The following ZDHHC14 variants were observed in gnomAD, a reference collection of about 807,000 sequenced individuals.
ZDHHC14 encodes the protein palmitoyltransferase ZDHHC14.
A neutral mutation model predicts 47.7 loss-of-function variants in ZDHHC14; 16 were observed. The ratio of observed to expected loss-of-function variants is 0.34; its 90% CI spans 0.23 to 0.51. The LOEUF (loss-of-function observed/expected upper bound fraction) is 0.51. Among genes scored for constraint, ZDHHC14 ranks in the 20% least tolerant of loss-of-function variants. The pLI, the probability that ZDHHC14 is intolerant of heterozygous loss-of-function variation, is 0.97. For synonymous variants in ZDHHC14, 293 were observed against 278.9 expected (o/e 1.05, Z -0.50); for missense variants, 515 against 662.5 (o/e 0.78, Z 2.44).
intron 3 of ZDHHC14, among the ~76,000 whole-genome samples, chr6:157,595,667 G>A (rs1325152100): frequency 1.3e-5 from 2 of 152,158 alleles, no homozygotes; most frequent in Non-Finnish European, 1.5e-5. Flanking sequence ...TGAATGAGAT[G>A]TAAAAGCCCC....
chr6:157,664,104 C>T (rs1304713431), intron 8 of ZDHHC14, among the ~76,000 whole-genome samples: 5 of 152,168 alleles, frequency 3.3e-5, no homozygotes, highest in Admixed American at 6.5e-5. Context: ...ACCCACGCTC[C>T]CCTGTGAAAA....
chr6:157,478,525 A>G (rs1428479468), intron 1 of ZDHHC14, among the ~76,000 whole-genome samples: 1 of 152,192 alleles, frequency 6.6e-6, no homozygotes, highest in Non-Finnish European at 1.5e-5. Flanking sequence ...ATTTTGCTGA[A>G]AGTGACCTTC....
chr6:157,601,107 G>A (rs977378124), intron 3 of ZDHHC14, among the ~76,000 whole-genome samples: 2 of 152,280 alleles, frequency 1.3e-5, no homozygotes, highest in East Asian at 1.9e-4. Context: ...CACAAAAATC[G>A]CGAGATAATG....
chr6:157,503,639 A>G (rs1332938794), intron 1 of ZDHHC14, among the ~76,000 whole-genome samples: 1 of 152,208 alleles, frequency 6.6e-6, no homozygotes, highest in African/African-American at 2.4e-5. Flanking sequence ...ATTAATGAAT[A>G]GTGTGATACA....
intron 2 of ZDHHC14, 92 bp from the exon 3 acceptor site, chr6:157,592,896 C>T (rs1309292123): frequency 6.7e-7 from 1 of 1,500,812 alleles, no homozygotes; most frequent in Non-Finnish European, 8.9e-7. Flanking sequence ...GCTGTGCCTG[C>T]TGCCCTGGAG....
intron 1 of ZDHHC14, among the ~76,000 whole-genome samples, chr6:157,483,582 G>A (rs1779684932): frequency 6.6e-6 from 1 of 152,192 alleles, no homozygotes. Flanking sequence ...ACATAGTGCA[G>A]CTCTTTAAAC....
At chr6:157,665,968 G>A (rs12525939) in intron 8 of ZDHHC14, among the ~76,000 whole-genome samples, 1 of 152,216 alleles carries the variant, frequency 6.6e-6, no homozygotes, top group South Asian at 2.1e-4. Flanking sequence ...AGATAACCCA[G>A]AGCCAGCTGA....
chr6:157,386,370 A>C (rs969542902), intron 1 of ZDHHC14, among the ~76,000 whole-genome samples: 33 of 152,224 alleles, frequency 2.2e-4, no homozygotes, highest in African/African-American at 8.0e-4. Context: ...TTAAAAATAT[A>C]CAAATAAAAT....
intron 1 of ZDHHC14, among the ~76,000 whole-genome samples, chr6:157,426,084 T>C (rs553777763): frequency 1.1e-4 from 16 of 152,122 alleles, no homozygotes; most frequent in Middle Eastern, 3.2e-3. Flanking sequence ...GGGCAGTGAA[T>C]CTGAGGCTGC....
intron 5 of ZDHHC14, among the ~76,000 whole-genome samples, chr6:157,636,418 C>T (rs1776987467): frequency 6.6e-6 from 1 of 152,010 alleles, no homozygotes; most frequent in South Asian, 2.1e-4. Flanking sequence ...GACATGTCCT[C>T]CCCAGAGTTC....
intron 1 of ZDHHC14, among the ~76,000 whole-genome samples, chr6:157,534,219 C>G (rs1048846762): frequency 1.3e-5 from 2 of 152,134 alleles, no homozygotes; most frequent in African/African-American, 4.8e-5. Flanking sequence ...GCAGGTCTTC[C>G]CAGCACACAC....
intron 1 of ZDHHC14, among the ~76,000 whole-genome samples, chr6:157,509,063 C>T (rs755418102): frequency 5.3e-5 from 8 of 152,194 alleles, no homozygotes; most frequent in Non-Finnish European, 8.8e-5. Flanking sequence ...TTCCTTGGCT[C>T]GTGGCTCCTT....
intron 2 of ZDHHC14, among the ~76,000 whole-genome samples, chr6:157,581,671 T>C (rs1034248611): frequency 1.3e-5 from 2 of 152,188 alleles, no homozygotes; most frequent in African/African-American, 2.4e-5. Context: ...CATTATGTAA[T>C]GCCCTTCTTT....
intron 2 of ZDHHC14, among the ~76,000 whole-genome samples, chr6:157,556,283 C>T (rs1782460530): frequency 3.3e-5 from 5 of 152,148 alleles, no homozygotes; most frequent in African/African-American, 1.2e-4. Context: ...GGGGGATGGC[C>T]AGCACCCCAC....
At chr6:157,549,543 A>G (rs1782136914) in intron 2 of ZDHHC14, among the ~76,000 whole-genome samples, 1 of 152,162 alleles carries the variant, frequency 6.6e-6, no homozygotes, top group Non-Finnish European at 1.5e-5. Context: ...GTCTGGGGGA[A>G]GTGCCAGAAC....
rs773484516 is a variant in ZDHHC14, at chr6:157,582,044, C to T, written c.407-10944C>T. On this transcript the variant is annotated intron_variant, in intron 2 of 8. Transcript: ENST00000359775. This position sits in a 1 kb window ranked among gnomAD's most constrained non-coding sequence, Gnocchi z 4.3. Reference sequence around the variant, plus strand: ...CTGAGTAGCTGGAACTACAGGCACACGCCACCATGCCTGGCTAATTTTTTG... The same window carrying T: ...CTGAGTAGCTGGAACTACAGGCACATGCCACCATGCCTGGCTAATTTTTTG... Among the ~76,000 whole-genome samples, 11 of 152,120 alleles carry T rather than the reference C, an allele frequency of 7.2e-5. No homozygotes were observed. Among genetic ancestry groups the T allele is most frequent in the South Asian group, 4.1e-4 (2 of 4,820 alleles).
At chr6:157,589,330 A>G (rs558489034) in intron 2 of ZDHHC14, among the ~76,000 whole-genome samples, 1 of 152,162 alleles carries the variant, frequency 6.6e-6, no homozygotes, top group African/African-American at 2.4e-5. Flanking sequence ...ACAATTCAAC[A>G]TAAGATCTGG....
chr6:157,624,028 A>G (rs1785301700), intron 3 of ZDHHC14, among the ~76,000 whole-genome samples: 1 of 152,108 alleles, frequency 6.6e-6, no homozygotes, highest in Non-Finnish European at 1.5e-5. Context: ...CAGCCATTCA[A>G]TTTTTCCACA....
chr6:157,651,286 G>A lies in ZDHHC14; in HGVS notation c.966-2239G>A, dbSNP rs542260759. On this transcript the variant is annotated intron_variant, in intron 7 of 8. Coordinates refer to ENST00000359775, the MANE Select transcript of ZDHHC14 (RefSeq NM_024630.3). ...CCTGGTGGGGCCATCAGCCCTCCAC[G>A]TTCCTTGGCTGGCATATGCTTCATC... Among the ~76,000 whole-genome samples, 8 of 152,358 alleles carry A rather than the reference G, an allele frequency of 5.3e-5. No homozygotes were observed. In the South Asian group the frequency reaches 1.0e-3, roughly 20 times the overall value.
Sources: allele counts gnomAD v4.1 joint callset (sites outside exome capture counted in the v4.1 genomes callset), GRCh38; gene constraint gnomAD v4.1.1; non-coding constraint Gnocchi (gnomAD v3.1); transcripts MANE v1.5; gene names NCBI Gene and HGNC (gene_info 2026-07-23, HGNC 2026-07-21).